AP2B1: variants seen among roughly 807,000 people sequenced by gnomAD.
AP2B1 encodes adaptor related protein complex 2 subunit beta 1.
A neutral mutation model predicts 102.0 loss-of-function variants in AP2B1; 23 were observed. The observed-to-expected ratio is 0.23, with a 90% CI of 0.16 to 0.32. The LOEUF is 0.32. Ranked by LOEUF, AP2B1 falls within the 10% of genes least tolerant of loss-of-function variation. The pLI is 1.00. For synonymous variants in AP2B1, 381 were observed against 421.2 expected, an observed-to-expected ratio of 0.90 and a Z score of 1.17; for missense variants, 541 against 1,157.4, an observed-to-expected ratio of 0.47 and a Z score of 7.73.
chr17:35,644,770 A>C (rs1458332282), intron 12 of AP2B1, among the ~76,000 whole-genome samples: 1 of 152,140 alleles, frequency 6.6e-6, no homozygotes. Context: ...GCTGTGGCTC[A>C]CACCTGCAAT....
At chr17:35,629,721 C>T (rs1031507253) in intron 9 of AP2B1, among the ~76,000 whole-genome samples, 3 of 152,176 alleles carry the variant, frequency 2.0e-5, no homozygotes, top group African/African-American at 4.8e-5. Flanking sequence ...ATAGGCAAGG[C>T]TGTCGACTAT....
intron 18 of AP2B1, among the ~76,000 whole-genome samples, chr17:35,693,681 C>G (rs1378522928): frequency 6.6e-6 from 1 of 152,110 alleles, no homozygotes; most frequent in Non-Finnish European, 1.5e-5. Context: ...AAAGATGATC[C>G]TTGACTTGGT....
chr17:35,627,265 TTTTTG>T, intron 7 of AP2B1, 115 bp from the exon 8 acceptor site: 17 of 492,296 alleles, frequency 3.5e-5, no homozygotes, highest in Non-Finnish European at 4.5e-5. Flanking sequence ...TTTTTTTTTT[TTTTTG>T]CCTGAGTGGA....
chr17:35,596,628 G>A (rs1027447544), intron 2 of AP2B1, among the ~76,000 whole-genome samples: 2 of 151,896 alleles, frequency 1.3e-5, no homozygotes, highest in Admixed American at 6.6e-5. Context: ...CTCGGGTGGC[G>A]GCCAGCCTGC....
At chr17:35,657,480 T>C in intron 13 of AP2B1, 119 bp from the exon 14 acceptor site, 2 of 670,176 alleles carry the variant, frequency 3.0e-6, no homozygotes, top group Non-Finnish European at 4.7e-6. Flanking sequence ...AATCAGAGAG[T>C]TTTTCCCCCT....
rs189326382 is a variant in AP2B1, at chr17:35,668,184, G to A, written c.1990-2673G>A. On this transcript the variant is annotated intron_variant, in intron 14 of 21. Coordinates refer to ENST00000610402, the MANE Select transcript of AP2B1 (RefSeq NM_001030006.2). ...ACTCCTGACCTCAGGTGATCAACCG[G>A]CCTCGGCTTCCCAAAGTGCTGGGAT... 1.4e-4 allele frequency among the ~76,000 whole-genome samples: 21 copies of A among 152,102 alleles called. No individual in the cohort carries two copies. In the East Asian group the frequency reaches 3.9e-3, roughly 28 times the overall value.
At chr17:35,706,601 C>G (rs1198155766) in intron 18 of AP2B1, among the ~76,000 whole-genome samples, 1 of 151,964 alleles carries the variant, frequency 6.6e-6, no homozygotes, top group Non-Finnish European at 1.5e-5. Flanking sequence ...TCACATGAGA[C>G]CTTTACATGA....
rs1476009928 is a variant in AP2B1, at chr17:35,605,712, T to C, written c.151T>C (p.Phe51Leu). ...TTTACCCTCTCTTCTCAGTTCTCTC[T>C]TTCCAGACGTAGTGAACTGTATGCA... ...MTVGKDVSSL[F>L]PDVVNCMQTD... The change falls in exon 4 of 22, where the codon TTT becomes CTT. Residue 51 changes from phenylalanine to leucine, a missense_variant. Physicochemically the swap from Phe to Leu is conservative, Grantham distance 22 (BLOSUM62 0). Coordinates refer to ENST00000610402, the MANE Select transcript of AP2B1 (RefSeq NM_001030006.2). 6.2e-7 allele frequency: 1 copy of C among 1,609,626 alleles called. No homozygotes were observed. The highest frequency in any genetic ancestry group is 8.5e-7 in the Non-Finnish European group (1 of 1,178,078).
chr17:35,630,743 T>G (rs535752456), intron 9 of AP2B1, among the ~76,000 whole-genome samples: 3 of 152,232 alleles, frequency 2.0e-5, no homozygotes, highest in Non-Finnish European at 4.4e-5. Flanking sequence ...TGGCTTTCAC[T>G]TCTTCCTTTG....
intron 13 of AP2B1, among the ~76,000 whole-genome samples, chr17:35,652,631 TA>T (rs2075115843): frequency 6.6e-6 from 1 of 152,212 alleles, no homozygotes; most frequent in African/African-American, 2.4e-5. Flanking sequence ...GAAATGTCTT[TA>T]TATTAATTTT....
rs587707110 is a variant in AP2B1, at chr17:35,685,359, C to G, written c.2454+2535C>G. Reference sequence around the variant, plus strand: ...TTTCAGCTTCCATTCTGCCCTTTTCCCCGTATGAACAAGAAGAAAATCAAA... The same window carrying G: ...TTTCAGCTTCCATTCTGCCCTTTTCGCCGTATGAACAAGAAGAAAATCAAA... On this transcript the variant is annotated intron_variant, in intron 18 of 21. Transcript: ENST00000610402. 2.0e-5 allele frequency among the ~76,000 whole-genome samples: 3 copies of G among 152,260 alleles called. No individual in the cohort carries two copies. The East Asian group carries it at 5.8e-4, about 29-fold the overall frequency.
At chr17:35,722,248 A>C (rs1229233966) in intron 21 of AP2B1, among the ~76,000 whole-genome samples, 6 of 152,196 alleles carry the variant, frequency 3.9e-5, no homozygotes, top group Non-Finnish European at 1.5e-5. Flanking sequence ...TGTCTCAAAA[A>C]AAGAATTGCT....
chr17:35,627,750 A>T (rs750540807), intron 9 of AP2B1, 24 bp downstream of exon 9: 1 of 1,586,870 alleles, frequency 6.3e-7, no homozygotes, highest in South Asian at 1.1e-5. Flanking sequence ...GGTAGTTAGG[A>T]TCATGTATTG....
rs35271211 is a variant in AP2B1 at position 35,591,171 on chromosome 17, CAAAAAA to C, written c.-23-2820_-23-2815del. Among the ~76,000 whole-genome samples the C allele has an allele frequency of 7.7e-3, 531 of 68,944 alleles. 7 individuals are homozygous for C. Among genetic ancestry groups the C allele is most frequent in the African/African-American group, 0.027 (507 of 19,014 alleles). The allele number at this position is 68,944 out of a possible 152,430, so 45.2% of individuals were successfully genotyped here. A position where few individuals can be genotyped will look rare whatever the true frequency, so the allele number is the denominator to read the frequency against. ...CCTGGGCCACAGTGAGATTTTGTCT[CAAAAAA>C]AAAAAAAAAAAAAAAAGAATTTAAT... On this transcript the variant is annotated intron_variant, in intron 1 of 21. Transcript: ENST00000610402.
chr17:35,708,124 A>G (rs1193203843), intron 18 of AP2B1, among the ~76,000 whole-genome samples: 2 of 152,242 alleles, frequency 1.3e-5, no homozygotes, highest in Non-Finnish European at 1.5e-5. Flanking sequence ...CATTTGCCAT[A>G]AAAGACAGAG....
Position 35,605,856 on chromosome 17 carries a change from G to C in AP2B1, c.279+16G>C, listed in dbSNP as rs200859154. 97 of 1,606,488 alleles carry C rather than the reference G, an allele frequency of 6.0e-5. No individual in the cohort carries two copies. In the African/African-American group the frequency reaches 1.2e-3, roughly 19 times the overall value. ...CTTTGTGAAGGTAACTTTTCCCAAGGCCTCAATAACAGAGTTTGAATTGCA... is the reference window on the plus strand; with the variant it reads ...CTTTGTGAAGGTAACTTTTCCCAAGCCCTCAATAACAGAGTTTGAATTGCA... On this transcript the variant is annotated intron_variant, in intron 4 of 21. Coordinates refer to ENST00000610402, the MANE Select transcript of AP2B1 (RefSeq NM_001030006.2).
At position 35,608,355 on chromosome 17, in the gene AP2B1, C is replaced by T. The variant is rs963954568; in HGVS notation, c.493C>T (p.Leu165=). Residue 165 remains leucine (L), a synonymous_variant, in exon 5 of 22, where the codon CTA becomes TTA. Transcript: ENST00000610402. ...MVEDQGFLDS[L]RDLIADSNPM... ...GGAAGATCAGGGATTTCTGGATTCT[C>T]TACGGGATCTCATAGCAGATTCAAA... 3 of 1,614,094 alleles carry T rather than the reference C, an allele frequency of 1.9e-6. No homozygotes were observed. In the African/African-American group the frequency reaches 4.0e-5, roughly 22 times the overall value.
At chr17:35,703,526 G>T (rs1391550925) in intron 18 of AP2B1, among the ~76,000 whole-genome samples, 2 of 152,142 alleles carry the variant, frequency 1.3e-5, no homozygotes, top group African/African-American at 4.8e-5. Flanking sequence ...CATGTCCTTT[G>T]CAGGAGCATA....
chr17:35,683,500 C>T (rs961453718), intron 18 of AP2B1, among the ~76,000 whole-genome samples: 1 of 152,004 alleles, frequency 6.6e-6, no homozygotes, highest in Non-Finnish European at 1.5e-5. Context: ...ATTTAAATGC[C>T]CCATTAGCAC....
Sources: gnomAD v4.1 joint callset for allele counts (sites outside exome capture counted in the v4.1 genomes callset) on GRCh38, gnomAD v4.1.1 for gene constraint, MANE v1.5 for transcripts, NCBI Gene and HGNC (gene_info 2026-07-23, HGNC 2026-07-21) for gene names.